CAPN6: variants seen among roughly 807,000 people sequenced by gnomAD.
CAPN6 encodes calpain-6.
In CAPN6, 16 loss-of-function variants were observed where a neutral mutation model predicts 46.0. That is an observed-to-expected ratio of 0.35 (90% CI 0.24 to 0.53). The LOEUF is 0.53. Ranked by LOEUF, CAPN6 falls within the 20% of genes least tolerant of loss-of-function variation. The probability of loss-of-function intolerance (pLI) is 0.94; values close to 1 mark genes in which losing one functional copy is unlikely to be tolerated. For missense variants in CAPN6, 461 were observed against 498.0 expected (o/e 0.93, Z 0.71); for synonymous variants, 206 against 172.8 (o/e 1.19, Z -1.51).
chrX:111,267,451 G>T (rs1256225260), intron 1 of CAPN6, among the ~76,000 whole-genome samples: 4 of 111,581 alleles, frequency 3.6e-5, no homozygotes, highest in Non-Finnish European at 7.5e-5. Context: ...GTTGAGAATT[G>T]CCAGGGAAGT....
rs1470834302 is a variant in CAPN6 at position 111,251,065 on chromosome X, A to T, written c.1010T>A (p.Leu337Gln). The stretch of plus-strand genomic sequence containing the variant: ...GTTGTTCACATTGCGGCAGACATTC[A>T]GTTTGTGAAAGTTGCGGCAAAAGTC... ...LEDFCRNFHK[L>Q]NVCRNVNNPI... is the part of the protein sequence containing the mutation. Residue 337 changes from leucine to glutamine, a missense_variant, in exon 8 of 13, where the codon CTG (leucine) becomes CAG (glutamine). Coordinates refer to ENST00000324068, the MANE Select transcript of CAPN6 (RefSeq NM_014289.4). The T allele has an allele frequency of 8.3e-7, 1 of 1,211,140 alleles. No homozygotes were observed.
chrX:111,267,706 G>C (rs181997500), intron 1 of CAPN6, among the ~76,000 whole-genome samples: 70 of 111,848 alleles, frequency 6.3e-4, no homozygotes, highest in African/African-American at 2.1e-3. Context: ...AGAACATGAG[G>C]GAACTTAATG....
rs2094974498 is a variant in CAPN6, at chrX:111,246,374, T to C, written c.*203A>G. 2.4e-6 allele frequency: 1 copy of C among 419,487 alleles called. No individual in the cohort carries two copies. Among genetic ancestry groups the C allele is most frequent in the Non-Finnish European group, 4.1e-6 (1 of 243,459 alleles). 34.6% of individuals were successfully genotyped at this position (419,487 alleles called of 1,213,427 possible). A position where few individuals can be genotyped will look rare whatever the true frequency, so the allele number is the denominator to read the frequency against. ...TCTAGATAGGACTGTCGCCTCCCCA[T>C]GTCCAGCTGCTGGAGGTATATAGGT... On this transcript the variant is annotated 3_prime_UTR_variant, in exon 13 of 13. Coordinates refer to ENST00000324068, the MANE Select transcript of CAPN6 (RefSeq NM_014289.4).
chrX:111,247,544 A>T (rs753083875), intron 11 of CAPN6, 40 bp from the exon 12 acceptor site: 2 of 1,169,972 alleles, frequency 1.7e-6, no homozygotes, highest in Non-Finnish European at 2.3e-6. Context: ...CAGCAATTAA[A>T]GTTCCTTTTC....
In CAPN6 at chrX:111,270,478, C is replaced by T; in HGVS notation, c.-123G>A. ...TAACCCCACTAAAAGTCTGTTCAGT[C>T]AGTGTGGCTGAACAAAGATTCTGGC... On this transcript the variant is annotated 5_prime_UTR_variant, in exon 1 of 13. Coordinates refer to ENST00000324068, the MANE Select transcript of CAPN6 (RefSeq NM_014289.4). The T allele has an allele frequency of 9.1e-6, 3 of 328,251 alleles. No individual in the cohort carries two copies. The highest frequency in any genetic ancestry group is 8.3e-5 in the South Asian group (3 of 36,077). The allele number at this position is 328,251 out of a possible 1,213,427, so 27.1% of individuals were successfully genotyped here.
chrX:111,252,544 A>G (rs911978630), intron 4 of CAPN6, 45 bp from the exon 5 acceptor site: 7 of 1,060,275 alleles, frequency 6.6e-6, no homozygotes, highest in Non-Finnish European at 9.0e-6. Flanking sequence ...TTGTTTTTCC[A>G]GGTCAAGAAC....
chrX:111,261,183 T>TG lies in CAPN6; in HGVS notation c.165+2588dup, dbSNP rs2094987671. ...ACTAACTCTATCTATCTCCCTGATA[T>TG]GACAGCATGATAGAGTGAAAACTTA... On this transcript the variant is annotated intron_variant, in intron 2 of 12. Coordinates refer to ENST00000324068, the MANE Select transcript of CAPN6 (RefSeq NM_014289.4). Among the ~76,000 whole-genome samples, 3 of 112,727 alleles carry TG rather than the reference T, an allele frequency of 2.7e-5. No homozygotes were observed. The Admixed American group carries it at 2.8e-4, about 11-fold the overall frequency.
intron 1 of CAPN6, among the ~76,000 whole-genome samples, chrX:111,267,619 A>G (rs1022183593): frequency 9.0e-6 from 1 of 111,480 alleles, no homozygotes; most frequent in Non-Finnish European, 1.9e-5. Flanking sequence ...CAAAAAGCAT[A>G]TTTTGCTCTA....
At chrX:111,252,863 G>T in intron 4 of CAPN6, 145 bp downstream of exon 4, 1 of 477,855 alleles carries the variant, frequency 2.1e-6, no homozygotes, top group Non-Finnish European at 3.5e-6. Flanking sequence ...CCAGGCCCAA[G>T]TGCAAAGCAA....
At chrX:111,258,567 G>A (rs999550401) in intron 2 of CAPN6, among the ~76,000 whole-genome samples, 1 of 111,870 alleles carries the variant, frequency 8.9e-6, no homozygotes, top group Admixed American at 9.5e-5. Context: ...AGGGACTAAT[G>A]TTGCACCAGC....
intron 2 of CAPN6, among the ~76,000 whole-genome samples, chrX:111,259,968 G>A (rs1476202835): frequency 9.0e-6 from 1 of 111,604 alleles, no homozygotes; most frequent in Non-Finnish European, 1.9e-5. Flanking sequence ...CTCAGTATAA[G>A]TTAGACCTTA....
chrX:111,247,027 T>G (rs994012711), intron 12 of CAPN6, among the ~76,000 whole-genome samples: 3 of 111,521 alleles, frequency 2.7e-5, no homozygotes, highest in African/African-American at 9.8e-5. Flanking sequence ...TCAGAAAAAC[T>G]GCCAAACTGC....
At chrX:111,252,619 T>C in intron 4 of CAPN6, 120 bp from the exon 5 acceptor site, 1 of 525,923 alleles carries the variant, frequency 1.9e-6, no homozygotes, top group Non-Finnish European at 3.0e-6. Context: ...TCTCTAGGTA[T>C]GAAATGAGAG....
At chrX:111,246,854 A>G in intron 12 of CAPN6, 95 bp from the exon 13 acceptor site, 1 of 757,088 alleles carries the variant, frequency 1.3e-6, no homozygotes, top group South Asian at 2.9e-5. Context: ...GCTTCAAAAG[A>G]TTTGTTTTAA....
intron 2 of CAPN6, among the ~76,000 whole-genome samples, chrX:111,263,556 T>C (rs2094989619): frequency 9.0e-6 from 1 of 111,526 alleles, no homozygotes; most frequent in East Asian, 2.8e-4. Flanking sequence ...TATTTCACAA[T>C]GTATATGTAT....
At chrX:111,263,635 G>GAA in intron 2 of CAPN6, 137 bp downstream of exon 2, 1 of 415,056 alleles carries the variant, frequency 2.4e-6, no homozygotes, top group Non-Finnish European at 3.9e-6. Flanking sequence ...CAATAAAGCT[G>GAA]AAAAAAAAAG....
At chrX:111,267,575 C>T (rs1484869493) in intron 1 of CAPN6, among the ~76,000 whole-genome samples, 2 of 111,443 alleles carry the variant, frequency 1.8e-5, no homozygotes, top group Admixed American at 9.5e-5. Context: ...AAAGCAAAAT[C>T]TCTTGCTTCT....
rs1236555010 is a variant in CAPN6 at position 111,250,781 on chromosome X, C to A, written c.1158+136G>T. The A allele has an allele frequency of 6.7e-6, 4 of 594,505 alleles. No homozygotes were observed. In the Admixed American group the frequency reaches 1.2e-4, roughly 18 times the overall value. The allele number at this position is 594,505 out of a possible 1,213,427, so 49.0% of individuals were successfully genotyped here. ...AGCACCTGAGACAATCCGTAGGGAT[C>A]CTGGTTGTTGAATATTACACAATAG... On this transcript the variant is annotated intron_variant, in intron 8 of 12. Transcript: ENST00000324068.
intron 2 of CAPN6, among the ~76,000 whole-genome samples, chrX:111,262,650 G>A (rs2094988783): frequency 8.9e-6 from 1 of 111,791 alleles, no homozygotes; most frequent in Non-Finnish European, 1.9e-5. Context: ...TTGAGAAGGA[G>A]TTTAGGTACA....
Sources: allele counts gnomAD v4.1 joint callset (sites outside exome capture counted in the v4.1 genomes callset), GRCh38; gene constraint gnomAD v4.1.1; transcripts MANE v1.5; gene names NCBI Gene and HGNC (gene_info 2026-07-23, HGNC 2026-07-21).